The following MAGI2 variants were observed in gnomAD, a reference collection of about 807,000 sequenced individuals.
MAGI2 encodes the protein membrane-associated guanylate kinase, WW and PDZ domain-containing protein 2.
A neutral mutation model predicts 133.3 loss-of-function variants in MAGI2; 35 were observed. That is an observed-to-expected ratio of 0.26 (90% CI 0.20 to 0.35). MAGI2 has a LOEUF of 0.35. Ranked by LOEUF, MAGI2 falls within the 10% of genes least tolerant of loss-of-function variation. MAGI2 has a pLI of 1.00. For synonymous variants in MAGI2, 729 were observed against 710.6 expected (o/e 1.03, Z -0.41); for missense variants, 1,636 against 1,863.4 (o/e 0.88, Z 2.25).
chr7:79,227,570 T>C (rs761996926), intron 1 of MAGI2, among the ~76,000 whole-genome samples: 15 of 152,178 alleles, frequency 9.9e-5, no homozygotes, highest in Non-Finnish European at 2.1e-4. Context: ...TTTCAGCACA[T>C]AATACTTTTG....
At chr7:79,013,078 T>C (rs889960449) in intron 1 of MAGI2, among the ~76,000 whole-genome samples, 1 of 152,152 alleles carries the variant, frequency 6.6e-6, no homozygotes, top group African/African-American at 2.4e-5. Flanking sequence ...TCCAAAACAA[T>C]GGGTGTAGGA....
intron 12 of MAGI2, among the ~76,000 whole-genome samples, chr7:78,187,644 CAGTA>C (rs1304327650): frequency 6.6e-6 from 1 of 152,116 alleles, no homozygotes; most frequent in Non-Finnish European, 1.5e-5. Flanking sequence ...TGTGTTTTCC[CAGTA>C]AAGGCAAATT....
chr7:78,693,850 C>T (rs759056114), intron 2 of MAGI2, among the ~76,000 whole-genome samples: 5 of 152,260 alleles, frequency 3.3e-5, no homozygotes, highest in African/African-American at 7.2e-5. Flanking sequence ...CCACACCCAC[C>T]GCTGGCTCCA....
intron 2 of MAGI2, among the ~76,000 whole-genome samples, chr7:78,811,246 A>G (rs1278633695): frequency 2.0e-5 from 3 of 152,076 alleles, no homozygotes; most frequent in Non-Finnish European, 1.5e-5. Flanking sequence ...CTGCTATACA[A>G]ATAAATATGC....
At chr7:79,007,033 T>C (rs1434588387) in intron 2 of MAGI2, 57 bp downstream of exon 2, 2 of 1,250,242 alleles carry the variant, frequency 1.6e-6, no homozygotes, top group Admixed American at 2.4e-5. Context: ...TCAATGAATA[T>C]ATAGCTAAAC....
At chr7:78,062,087 A>G (rs1813340096) in intron 21 of MAGI2, among the ~76,000 whole-genome samples, 1 of 152,234 alleles carries the variant, frequency 6.6e-6, no homozygotes, top group African/African-American at 2.4e-5. Flanking sequence ...GTAACCTACA[A>G]GCACCCCGTT....
chr7:78,508,610 T>C (rs925818017), intron 4 of MAGI2, among the ~76,000 whole-genome samples: 2 of 152,210 alleles, frequency 1.3e-5, no homozygotes, highest in Admixed American at 1.3e-4. Flanking sequence ...TGTCAGCTAC[T>C]CCTGCGAGTA....
At chr7:78,674,216 C>G (rs1185815653) in intron 2 of MAGI2, among the ~76,000 whole-genome samples, 1 of 146,408 alleles carries the variant, frequency 6.8e-6, no homozygotes, top group Non-Finnish European at 1.5e-5. Context: ...ATGAAAAATC[C>G]ATCCAAATAG....
chr7:78,866,151 G>A (rs514025), intron 2 of MAGI2, among the ~76,000 whole-genome samples: 97,021 of 152,000 alleles, frequency 0.64, 31,658 homozygotes, highest in East Asian at 0.74. Flanking sequence ...AGAGAAATTT[G>A]TTCCATGCAA....
At chr7:78,122,071 A>C (rs1584011359) in intron 20 of MAGI2, among the ~76,000 whole-genome samples, 2 of 152,218 alleles carry the variant, frequency 1.3e-5, no homozygotes, top group Admixed American at 6.5e-5. Flanking sequence ...AGATACACAC[A>C]TCTGTGGTAA....
chr7:79,375,402 C>T lies in MAGI2; in HGVS notation c.301+77618G>A, dbSNP rs190868384. Among the ~76,000 whole-genome samples, 53 of 151,606 alleles carry T rather than the reference C, an allele frequency of 3.5e-4. No homozygotes were observed. In the Middle Eastern group the frequency reaches 0.01, roughly 29 times the overall value. On this transcript the variant is annotated intron_variant, in intron 1 of 21. Transcript: ENST00000354212. ...TAACTTCAGAACTGAGAGCTCTCTT[C>T]GAAAAAACACTCTTCCTACTGTGCA...
chr7:79,007,515 C>T (rs1267024568), intron 1 of MAGI2, among the ~76,000 whole-genome samples: 1 of 152,088 alleles, frequency 6.6e-6, no homozygotes, highest in Non-Finnish European at 1.5e-5. Flanking sequence ...TATAGTACAT[C>T]TCATTGCATG....
At chr7:79,093,194 A>C (rs1215595993) in intron 1 of MAGI2, among the ~76,000 whole-genome samples, 1 of 151,806 alleles carries the variant, frequency 6.6e-6, no homozygotes, top group East Asian at 1.9e-4. Flanking sequence ...AAAAAGAATG[A>C]CTCATGCTGG....
At chr7:78,156,976 C>T (rs1296818719) in intron 16 of MAGI2, among the ~76,000 whole-genome samples, 2 of 152,300 alleles carry the variant, frequency 1.3e-5, no homozygotes, top group African/African-American at 4.8e-5. Context: ...GCATAAACCT[C>T]GGTCAGTCTC....
intron 7 of MAGI2, chr7:78,358,962 C>T (rs12670218): frequency 0.26 from 39,928 of 152,762 alleles, 5,673 homozygotes; most frequent in East Asian, 0.49. Flanking sequence ...GCCTACCCTT[C>T]CTGCATCACC....
At chr7:78,962,642 T>C (rs959454101) in intron 2 of MAGI2, among the ~76,000 whole-genome samples, 1 of 151,788 alleles carries the variant, frequency 6.6e-6, no homozygotes. Flanking sequence ...ATGAATGTAA[T>C]GGTTTCTTTG....
At chr7:79,389,072 A>T (rs1844413726) in intron 1 of MAGI2, among the ~76,000 whole-genome samples, 1 of 151,980 alleles carries the variant, frequency 6.6e-6, no homozygotes, top group Non-Finnish European at 1.5e-5. Flanking sequence ...TTAAACAAAA[A>T]GTTGATCTTA....
intron 16 of MAGI2, among the ~76,000 whole-genome samples, chr7:78,142,994 A>G (rs1284080957): frequency 6.6e-6 from 1 of 152,176 alleles, no homozygotes; most frequent in Non-Finnish European, 1.5e-5. Context: ...TGGTCCCACT[A>G]AGCCAAATAA....
intron 1 of MAGI2, among the ~76,000 whole-genome samples, chr7:79,100,084 C>A (rs905154506): frequency 3.3e-5 from 5 of 151,852 alleles, no homozygotes; most frequent in Non-Finnish European, 7.4e-5. Context: ...CTTTGAATGA[C>A]TGCATATTAT....
Sources: gnomAD v4.1 joint callset for allele counts (sites outside exome capture counted in the v4.1 genomes callset) on GRCh38, gnomAD v4.1.1 for gene constraint, MANE v1.5 for transcripts, NCBI Gene and HGNC (gene_info 2026-07-23, HGNC 2026-07-21) for gene names.